The following ZFPM2 variants were observed in gnomAD, a reference collection of about 807,000 sequenced individuals.
ZFPM2 encodes zinc finger protein, FOG family member 2, also known as zinc finger protein ZFPM2.
A neutral mutation model predicts 98.6 loss-of-function variants in ZFPM2; 20 were observed. That is an observed-to-expected ratio of 0.20 (90% CI 0.14 to 0.29). ZFPM2 has a LOEUF of 0.29. Among genes scored for constraint, ZFPM2 ranks in the 10% least tolerant of loss-of-function variants. The pLI is 1.00. For synonymous variants in ZFPM2, 518 were observed against 502.7 expected (o/e 1.03, Z -0.41); for missense variants, 1,310 against 1,388.6 (o/e 0.94, Z 0.90).
At chr8:105,424,159 C>A (rs1419362304) in intron 2 of ZFPM2, among the ~76,000 whole-genome samples, 1 of 152,086 alleles carries the variant, frequency 6.6e-6, no homozygotes, top group East Asian at 1.9e-4. Context: ...TTACAAAAAA[C>A]AAAGATAACC....
chr8:105,718,716 C>T (rs553726728), intron 5 of ZFPM2, among the ~76,000 whole-genome samples: 24 of 151,830 alleles, frequency 1.6e-4, no homozygotes, highest in Middle Eastern at 3.4e-3. Context: ...CTGATTCTGT[C>T]GTCAAAAGAA....
intron 3 of ZFPM2, among the ~76,000 whole-genome samples, chr8:105,498,954 T>G (rs1162831595): frequency 6.6e-6 from 1 of 152,184 alleles, no homozygotes; most frequent in East Asian, 1.9e-4. Flanking sequence ...TTGCAGGCAT[T>G]GGGGCAGGCA....
intron 1 of ZFPM2, among the ~76,000 whole-genome samples, chr8:105,365,963 T>C (rs1810496878): frequency 6.6e-6 from 1 of 152,110 alleles, no homozygotes; most frequent in Non-Finnish European, 1.5e-5. Flanking sequence ...CCAGAGAAAA[T>C]TTCAGCCTCT....
chr8:105,434,643 T>A (rs1812085467), intron 2 of ZFPM2, among the ~76,000 whole-genome samples: 1 of 152,214 alleles, frequency 6.6e-6, no homozygotes, highest in Admixed American at 6.5e-5. Context: ...AGAAAGTAGA[T>A]CTGTCACTTC....
chr8:105,605,303 A>G (rs117313831), intron 4 of ZFPM2, among the ~76,000 whole-genome samples: 1 of 152,274 alleles, frequency 6.6e-6, no homozygotes, highest in Non-Finnish European at 1.5e-5. Flanking sequence ...AAAGGCAGTT[A>G]ATAATTACTT....
chr8:105,581,790 A>G (rs189805539), intron 4 of ZFPM2, among the ~76,000 whole-genome samples: 45 of 152,302 alleles, frequency 3.0e-4, no homozygotes, highest in Non-Finnish European at 4.6e-4. Flanking sequence ...ACCTTGTTTT[A>G]TCTCACTCAA....
intron 3 of ZFPM2, among the ~76,000 whole-genome samples, chr8:105,475,897 G>A (rs1813003629): frequency 6.6e-6 from 1 of 152,168 alleles, no homozygotes; most frequent in Admixed American, 6.5e-5. Flanking sequence ...AATTAAGAAA[G>A]TGGTGCTCAA....
At chr8:105,453,425 T>A (rs1295472169) in intron 3 of ZFPM2, among the ~76,000 whole-genome samples, 1 of 152,216 alleles carries the variant, frequency 6.6e-6, no homozygotes, top group Non-Finnish European at 1.5e-5. Flanking sequence ...AGTAATGACT[T>A]CTGTGAGGAC....
intron 4 of ZFPM2, among the ~76,000 whole-genome samples, chr8:105,562,968 C>A (rs1242184668): frequency 1.3e-5 from 2 of 152,162 alleles, no homozygotes; most frequent in Non-Finnish European, 2.9e-5. Flanking sequence ...AGTGATAACA[C>A]AGGTGATGAA....
At chr8:105,787,928 T>A (rs564767088) in intron 5 of ZFPM2, among the ~76,000 whole-genome samples, 5 of 152,318 alleles carry the variant, frequency 3.3e-5, no homozygotes, top group Admixed American at 6.5e-5. Flanking sequence ...AATTTTTCTT[T>A]TTAATGCACA....
chr8:105,474,491 A>T (rs564323619), intron 3 of ZFPM2, among the ~76,000 whole-genome samples: 1 of 152,164 alleles, frequency 6.6e-6, no homozygotes, highest in South Asian at 2.1e-4. Flanking sequence ...ACATCAAAAG[A>T]TTTGTGATTT....
intron 1 of ZFPM2, among the ~76,000 whole-genome samples, chr8:105,370,667 G>C (rs1810603318): frequency 6.6e-6 from 1 of 152,194 alleles, no homozygotes; most frequent in Non-Finnish European, 1.5e-5. Flanking sequence ...GTGCACCACA[G>C]CTCCTCTTTT....
chr8:105,570,690 C>G (rs1373573206), intron 4 of ZFPM2, among the ~76,000 whole-genome samples: 1 of 152,158 alleles, frequency 6.6e-6, no homozygotes, highest in Non-Finnish European at 1.5e-5. Flanking sequence ...TCCTGACTTA[C>G]TTTTTCTCCT....
chr8:105,749,564 A>C (rs1262657467), intron 5 of ZFPM2, among the ~76,000 whole-genome samples: 1 of 151,938 alleles, frequency 6.6e-6, no homozygotes, highest in Non-Finnish European at 1.5e-5. Context: ...CATGTTCAGC[A>C]TTTTCTCCCC....
At chr8:105,386,065 G>A (rs1810982549) in intron 1 of ZFPM2, among the ~76,000 whole-genome samples, 1 of 152,110 alleles carries the variant, frequency 6.6e-6, no homozygotes, top group African/African-American at 2.4e-5. Flanking sequence ...ATTAATGTAA[G>A]TAAACATTTA....
At chr8:105,778,836 C>T (rs1813172331) in intron 5 of ZFPM2, among the ~76,000 whole-genome samples, 2 of 151,396 alleles carry the variant, frequency 1.3e-5, no homozygotes, top group African/African-American at 4.9e-5. Context: ...TTTATGAAAA[C>T]CACAAAAATT....
intron 3 of ZFPM2, among the ~76,000 whole-genome samples, chr8:105,485,372 G>T (rs1586406958): frequency 1.3e-5 from 2 of 152,028 alleles, no homozygotes; most frequent in Non-Finnish European, 2.9e-5. Flanking sequence ...GGCTGTCATT[G>T]TAATTAACCA....
At chr8:105,713,268 A>G (rs1563532842) in intron 5 of ZFPM2, among the ~76,000 whole-genome samples, 1 of 151,734 alleles carries the variant, frequency 6.6e-6, no homozygotes, top group African/African-American at 2.4e-5. Flanking sequence ...TTTGATTTGC[A>G]TTTCTTTGAT....
intron 5 of ZFPM2, among the ~76,000 whole-genome samples, chr8:105,783,725 C>A (rs1028552285): frequency 8.5e-5 from 13 of 152,086 alleles, no homozygotes; most frequent in African/African-American, 2.7e-4. Flanking sequence ...AGTTTCTTTT[C>A]AAGGCGGAAT....
Sources: gnomAD v4.1 joint callset for allele counts (sites outside exome capture counted in the v4.1 genomes callset) on GRCh38, gnomAD v4.1.1 for gene constraint, MANE v1.5 for transcripts, NCBI Gene and HGNC (gene_info 2026-07-23, HGNC 2026-07-21) for gene names.